The following WDPCP variants were observed in gnomAD, a reference collection of about 807,000 sequenced individuals.
The protein encoded by WDPCP is WD repeat containing planar cell polarity effector, also known as WD repeat-containing and planar cell polarity effector protein fritz homolog.
In WDPCP, 71 loss-of-function variants were observed where a neutral mutation model predicts 93.1. The ratio of observed to expected loss-of-function variants is 0.76; its 90% confidence interval spans 0.63 to 0.93. The LOEUF is 0.93. Among genes scored for constraint, WDPCP ranks in the 40% least tolerant of loss-of-function variants. The probability of loss-of-function intolerance (pLI) is 0.00; values close to 1 mark genes in which losing one functional copy is unlikely to be tolerated. For missense variants in WDPCP, 844 were observed against 887.4 expected (o/e 0.95, Z 0.62); for synonymous variants, 315 against 315.0 (o/e 1.00, Z 0.00).
At chr2:63,511,714 G>C (rs1702245255) in intron 1 of WDPCP, among the ~76,000 whole-genome samples, 1 of 152,126 alleles carries the variant, frequency 6.6e-6, no homozygotes, top group African/African-American at 2.4e-5. Flanking sequence ...ACTGAAACTG[G>C]ACCACTTCCT....
intron 1 of WDPCP, among the ~76,000 whole-genome samples, chr2:63,584,233 C>A (rs1021572524): frequency 6.6e-6 from 1 of 152,024 alleles, no homozygotes; most frequent in Non-Finnish European, 1.5e-5. Flanking sequence ...ATTTTGAAGA[C>A]CCCAGTACCC....
At chr2:63,839,557 CAAAACA>C in the WDPCP span, among the ~76,000 whole-genome samples, 6 of 152,202 alleles carry the variant, frequency 3.9e-5, no homozygotes, top group South Asian at 2.1e-4. Flanking sequence ...GACTCCGTCT[CAAAACA>C]AAAACAAAAA....
chr2:63,247,124 AT>A (rs1224077191), intron 14 of WDPCP, among the ~76,000 whole-genome samples: 1 of 152,184 alleles, frequency 6.6e-6, no homozygotes, highest in African/African-American at 2.4e-5. Flanking sequence ...ATCGAACAGG[AT>A]TCCTTCTTAT....
intron 2 of WDPCP, among the ~76,000 whole-genome samples, chr2:63,657,417 C>T (rs1267469946): frequency 4.6e-5 from 7 of 151,806 alleles, no homozygotes; most frequent in Admixed American, 1.3e-4. Context: ...CGTGTTAGCC[C>T]GGATGGTCTC....
intron 2 of WDPCP, among the ~76,000 whole-genome samples, chr2:63,808,482 C>T (rs998069557): frequency 1.3e-5 from 2 of 152,198 alleles, no homozygotes; most frequent in Non-Finnish European, 1.5e-5. Flanking sequence ...CCTGCGATTG[C>T]GGGCACGCGC....
At chr2:63,491,748 C>G (rs908819428) in intron 2 of WDPCP, among the ~76,000 whole-genome samples, 1 of 152,214 alleles carries the variant, frequency 6.6e-6, no homozygotes, top group African/African-American at 2.4e-5. Context: ...TGTCCCTTTA[C>G]TGTCACTCTG....
intron 2 of WDPCP, among the ~76,000 whole-genome samples, chr2:63,705,547 C>T (rs534153437): frequency 6.4e-4 from 97 of 152,256 alleles, no homozygotes; most frequent in African/African-American, 2.0e-3. Context: ...GTCTTCATTT[C>T]GTTATGTACC....
intron 15 of WDPCP, among the ~76,000 whole-genome samples, chr2:63,157,461 C>T (rs1299599270): frequency 1.3e-5 from 2 of 152,020 alleles, no homozygotes; most frequent in Non-Finnish European, 2.9e-5. Context: ...TGCACAATTG[C>T]TAGTATATTT....
intron 14 of WDPCP, among the ~76,000 whole-genome samples, chr2:63,207,463 A>G (rs1241176946): frequency 6.6e-6 from 1 of 151,996 alleles, no homozygotes; most frequent in African/African-American, 2.4e-5. Flanking sequence ...AGTCAATTAA[A>G]CCTCTTTCCT....
At chr2:63,589,833 G>A, upstream of WDPCP, 1 of 209,866 alleles carries the variant, frequency 4.8e-6, no homozygotes, top group Admixed American at 5.1e-5. Flanking sequence ...AATAATCTGC[G>A]TACTGCTTGA....
rs1669452809 is a variant in WDPCP at position 63,119,710 on chromosome 2, A to G, written c.*2296T>C. Among the ~76,000 whole-genome samples, 1 of 152,202 alleles carries G rather than the reference A, an allele frequency of 6.6e-6. No individual in the cohort carries two copies. The highest frequency in any genetic ancestry group is 1.5e-5 in the Non-Finnish European group (1 of 68,042). ...CTAAAGGACAACCTGTGAACCTGTC[A>G]GTGCTAGGACAGATACTACCTAGCT... On this transcript the variant is annotated 3_prime_UTR_variant, in exon 18 of 18. Transcript: ENST00000272321.
intron 15 of WDPCP, 144 bp downstream of exon 15, chr2:63,174,526 A>G: frequency 1.0e-6 from 1 of 997,668 alleles, no homozygotes; most frequent in Non-Finnish European, 1.5e-6. Flanking sequence ...CCAAATAACC[A>G]AACTACTGCA....
chr2:63,196,217 C>T (rs948518623), intron 14 of WDPCP, among the ~76,000 whole-genome samples: 21 of 152,166 alleles, frequency 1.4e-4, no homozygotes, highest in Admixed American at 9.8e-4. Flanking sequence ...AAAGTCCTGA[C>T]GTTACAAGAA....
chr2:63,644,305 C>A (rs766628819), intron 3 of WDPCP, among the ~76,000 whole-genome samples: 1 of 136,266 alleles, frequency 7.3e-6, no homozygotes, highest in African/African-American at 2.8e-5. Context: ...AATGCAGTGG[C>A]GCAATCTCAG....
intron 1 of WDPCP, among the ~76,000 whole-genome samples, chr2:63,512,526 T>C (rs897073384): frequency 3.3e-5 from 5 of 152,014 alleles, no homozygotes; most frequent in African/African-American, 1.2e-4. Flanking sequence ...ATGAAGAAAA[T>C]GTGGCACATA....
chr2:63,757,337 T>A (rs771966885), intron 2 of WDPCP, among the ~76,000 whole-genome samples: 1 of 152,180 alleles, frequency 6.6e-6, no homozygotes, highest in Non-Finnish European at 1.5e-5. Context: ...GTGTTTTCCA[T>A]TTTCCCCAAG....
intron 2 of WDPCP, among the ~76,000 whole-genome samples, chr2:63,786,654 C>G (rs1002120394): frequency 6.6e-6 from 1 of 152,142 alleles, no homozygotes; most frequent in Non-Finnish European, 1.5e-5. Context: ...GCCACTTACA[C>G]GGCCACATCT....
chr2:63,569,530 C>T (rs548624382), intron 1 of WDPCP, among the ~76,000 whole-genome samples: 1 of 151,844 alleles, frequency 6.6e-6, no homozygotes, highest in East Asian at 1.9e-4. Context: ...CAATGTCATT[C>T]AAAAAAAAGA....
intron 2 of WDPCP, among the ~76,000 whole-genome samples, chr2:63,657,501 G>A (rs948555086): frequency 7.2e-5 from 11 of 152,058 alleles, no homozygotes; most frequent in African/African-American, 1.9e-4. Flanking sequence ...TCACCGCGGC[G>A]CCCGGCCTCT....
Sources: allele counts gnomAD v4.1 joint callset (sites outside exome capture counted in the v4.1 genomes callset), GRCh38; gene constraint gnomAD v4.1.1; transcripts MANE v1.5; gene names NCBI Gene and HGNC (gene_info 2026-07-23, HGNC 2026-07-21).